Variants in TEX26 observed in about 807,000 individuals in gnomAD.
TEX26 encodes the protein testis expressed 26, also known as testis-expressed protein 26.
TEX26 carries 34 observed loss-of-function variants against 35.3 expected under a neutral mutation model. The observed-to-expected ratio is 0.96, with a 90% CI of 0.73 to 1.28. The LOEUF is 1.28. TEX26 is among the 50% of genes most tolerant of loss of function. The probability of loss-of-function intolerance (pLI) is 0.00; values close to 1 mark genes in which losing one functional copy is unlikely to be tolerated. For synonymous variants in TEX26, 136 were observed against 111.8 expected (o/e 1.22, Z -1.36); for missense variants, 371 against 330.1 (o/e 1.12, Z -0.96).
intron 2 of TEX26, among the ~76,000 whole-genome samples, chr13:30,945,465 T>C (rs974357849): frequency 1.3e-5 from 2 of 151,914 alleles, no homozygotes; most frequent in Non-Finnish European, 2.9e-5. Flanking sequence ...CATAGTGAGA[T>C]GTGAGGTACT....
At chr13:30,940,737 C>T (rs530482035) in intron 2 of TEX26, among the ~76,000 whole-genome samples, 93 of 152,062 alleles carry the variant, frequency 6.1e-4, no homozygotes, top group Admixed American at 1.5e-3. Context: ...AATCTTTTCA[C>T]CTTAAGCCTG....
At chr13:30,938,456 T>C (rs1007585272) in intron 1 of TEX26, among the ~76,000 whole-genome samples, 1 of 152,142 alleles carries the variant, frequency 6.6e-6, no homozygotes, top group Non-Finnish European at 1.5e-5. Flanking sequence ...TTAGCTGCAT[T>C]GTAACATGGT....
chr13:30,944,624 A>C (rs1953635865), intron 2 of TEX26, among the ~76,000 whole-genome samples: 1 of 151,894 alleles, frequency 6.6e-6, no homozygotes, highest in Non-Finnish European at 1.5e-5. Flanking sequence ...GTATCCCAGA[A>C]GTTTTGATAA....
chr13:30,937,066 G>A (rs1953298563), intron 1 of TEX26: 1 of 888,758 alleles, frequency 1.1e-6, no homozygotes, highest in Non-Finnish European at 1.3e-6. Flanking sequence ...AAGATCAAGT[G>A]TGCATCCAAG....
chr13:30,972,465 T>C (rs1954746133), intron 6 of TEX26, among the ~76,000 whole-genome samples: 1 of 152,198 alleles, frequency 6.6e-6, no homozygotes, highest in South Asian at 2.1e-4. Context: ...TATTTTAATA[T>C]AAATTCTTTG....
chr13:30,963,016 G>C (rs965599215), intron 4 of TEX26, among the ~76,000 whole-genome samples: 1 of 151,520 alleles, frequency 6.6e-6, no homozygotes, highest in African/African-American at 2.4e-5. Flanking sequence ...TTTTAGTAGG[G>C]ACGGGGTTTC....
intron 4 of TEX26, among the ~76,000 whole-genome samples, chr13:30,963,877 T>A (rs1954436415): frequency 6.6e-6 from 1 of 152,190 alleles, no homozygotes. Context: ...TGGGTCTTCA[T>A]CTCCAATGAT....
chr13:30,953,430 A>G (rs138805833), intron 3 of TEX26, among the ~76,000 whole-genome samples: 1 of 152,226 alleles, frequency 6.6e-6, no homozygotes, highest in Non-Finnish European at 1.5e-5. Flanking sequence ...CAGTACTTCC[A>G]GTCTTTGTCA....
intron 3 of TEX26, 65 bp from the exon 4 acceptor site, chr13:30,956,808 C>G: frequency 7.1e-7 from 1 of 1,415,760 alleles, no homozygotes; most frequent in Non-Finnish European, 9.9e-7. Context: ...CACAGACACT[C>G]AGATTATTGA....
At chr13:30,968,239 T>C (rs931160724) in intron 5 of TEX26, among the ~76,000 whole-genome samples, 1 of 152,212 alleles carries the variant, frequency 6.6e-6, no homozygotes, top group African/African-American at 2.4e-5. Flanking sequence ...AAGAGCTGGC[T>C]AAACAGGTTA....
chr13:30,952,565 T>A (rs7986039), intron 2 of TEX26, 95 bp from the exon 3 acceptor site: 3 of 1,086,750 alleles, frequency 2.8e-6, no homozygotes, highest in Non-Finnish European at 3.8e-6. Flanking sequence ...TCAATCTTTT[T>A]AAAAAATGTA....
At chr13:30,969,786 T>C (rs539005270) in intron 6 of TEX26, among the ~76,000 whole-genome samples, 61 of 152,312 alleles carry the variant, frequency 4.0e-4, no homozygotes, top group Non-Finnish European at 7.6e-4. Context: ...ATATGCCAAC[T>C]AAACTAATGT....
At chr13:30,965,281 T>G (rs1219902755) in intron 4 of TEX26, among the ~76,000 whole-genome samples, 1 of 152,196 alleles carries the variant, frequency 6.6e-6, no homozygotes, top group East Asian at 1.9e-4. Context: ...GTAGATGCAA[T>G]TATGTATCCT....
rs972180650 is a variant in TEX26 at position 30,932,920 on chromosome 13, T to C, written c.61+144T>C. ...GCTCAACTGAGGAAAAGACGGGGAG[T>C]CAGGGAGAATGACAGGGCCTTCATG... On this transcript the variant is annotated intron_variant, in intron 1 of 6. Transcript: ENST00000380473. 6 of 853,174 alleles carry C rather than the reference T, an allele frequency of 7.0e-6. No individual in the cohort carries two copies. In the Admixed American group the frequency reaches 1.7e-4, roughly 24 times the overall value. The allele number at this position is 853,174 out of a possible 1,614,324, so 52.9% of individuals were successfully genotyped here.
At chr13:30,972,287 G>A (rs554323447) in intron 6 of TEX26, among the ~76,000 whole-genome samples, 141 of 152,268 alleles carry the variant, frequency 9.3e-4, no homozygotes, top group Middle Eastern at 3.4e-3. Flanking sequence ...AAATGAATTT[G>A]CATTTATACA....
At chr13:30,934,131 T>C (rs1486496631) in intron 1 of TEX26, among the ~76,000 whole-genome samples, 1 of 152,262 alleles carries the variant, frequency 6.6e-6, no homozygotes, top group East Asian at 1.9e-4. Flanking sequence ...AAGAGGGTCC[T>C]AGCTGCTCAA....
chr13:30,958,406 G>A (rs1473819342), intron 4 of TEX26, among the ~76,000 whole-genome samples: 2 of 152,218 alleles, frequency 1.3e-5, no homozygotes, highest in Non-Finnish European at 2.9e-5. Context: ...GCTGGTGCAT[G>A]GCTCTAAGCC....
At position 30,936,800 on chromosome 13, in the gene TEX26, G is replaced by A. The variant is rs777109751; in HGVS notation, c.62-2894G>A. On this transcript the variant is annotated intron_variant, in intron 1 of 6. Coordinates refer to ENST00000380473, the MANE Select transcript of TEX26 (RefSeq NM_152325.3). Reference sequence around the variant, plus strand: ...ACGTAATCACAGGAAAGATGGATATGAGCTACACAAAAGGACATTGAGATA... The same window carrying A: ...ACGTAATCACAGGAAAGATGGATATAAGCTACACAAAAGGACATTGAGATA... The A allele has an allele frequency of 1.8e-4, 174 of 985,298 alleles. 2 individuals carry two copies. In the Middle Eastern group the frequency reaches 2.1e-3, roughly 12 times the overall value. The allele number at this position is 985,298 out of a possible 1,614,324, so 61.0% of individuals were successfully genotyped here. A position where few individuals can be genotyped will look rare whatever the true frequency, so the allele number is the denominator to read the frequency against.
intron 4 of TEX26, among the ~76,000 whole-genome samples, chr13:30,957,507 A>T (rs1566157777): frequency 6.6e-6 from 1 of 152,182 alleles, no homozygotes; most frequent in Non-Finnish European, 1.5e-5. Flanking sequence ...AGAAGCAATT[A>T]AGAGGTTTTT....
Sources: allele counts gnomAD v4.1 joint callset (sites outside exome capture counted in the v4.1 genomes callset), GRCh38; gene constraint gnomAD v4.1.1; transcripts MANE v1.5; gene names NCBI Gene and HGNC (gene_info 2026-07-23, HGNC 2026-07-21).